The following ACVR2A variants were observed in gnomAD, a reference collection of about 807,000 sequenced individuals.
ACVR2A encodes activin receptor type-2A.
A neutral mutation model predicts 61.4 loss-of-function variants in ACVR2A; 7 were observed. The observed-to-expected ratio is 0.11, with a 90% CI of 0.06 to 0.21. ACVR2A has a LOEUF of 0.21. Among genes scored for constraint, ACVR2A ranks in the 10% least tolerant of loss-of-function variants. The pLI is 1.00. For synonymous variants in ACVR2A, 193 were observed against 208.3 expected, an observed-to-expected ratio of 0.93 and a Z score of 0.63; for missense variants, 322 against 621.7, an observed-to-expected ratio of 0.52 and a Z score of 5.13.
intron 2 of ACVR2A, among the ~76,000 whole-genome samples, chr2:147,898,912 A>C (rs1373403610): frequency 6.6e-6 from 1 of 152,260 alleles, no homozygotes; most frequent in South Asian, 2.1e-4. Flanking sequence ...AAAAACAGTG[A>C]CAGTATTAAT....
At chr2:147,852,191 A>T (rs1685467123) in intron 1 of ACVR2A, among the ~76,000 whole-genome samples, 1 of 152,128 alleles carries the variant, frequency 6.6e-6, no homozygotes, top group Non-Finnish European at 1.5e-5. Context: ...AATACACAAT[A>T]GGAATTACAC....
chr2:147,918,549 A>G lies in ACVR2A; in HGVS notation c.919A>G (p.Ile307Val), dbSNP rs1268740838. ...ARGLAYLHEDIPGLKDGHKPA... is the reference protein window; with the variant it reads ...ARGLAYLHEDVPGLKDGHKPA... ...AGGATTGGCATATTTACATGAGGAT[A>G]TACCTGGCCTAAAAGATGGCCACAA... Residue 307 changes from isoleucine to valine, a missense_variant, in exon 7 of 11, where the codon ATA (isoleucine) becomes GTA (valine). This residue lies in a region of ACVR2A where 146 missense variants were observed against 383.8 expected (regional missense o/e 0.38). Coordinates refer to ENST00000241416, the MANE Select transcript of ACVR2A (RefSeq NM_001616.5). The G allele has an allele frequency of 1.2e-6, 2 of 1,611,364 alleles. No homozygotes were observed. Among genetic ancestry groups the G allele is most frequent in the African/African-American group, 2.7e-5 (2 of 74,750 alleles).
intron 1 of ACVR2A, among the ~76,000 whole-genome samples, chr2:147,848,525 A>AT (rs759201807): frequency 2.8e-4 from 43 of 152,294 alleles, no homozygotes; most frequent in Non-Finnish European, 4.9e-4. Flanking sequence ...AGCTGGCTCA[A>AT]TATGTCAGTA....
intron 4 of ACVR2A, among the ~76,000 whole-genome samples, chr2:147,906,102 GT>G (rs1293650631): frequency 6.6e-6 from 1 of 151,824 alleles, no homozygotes; most frequent in Non-Finnish European, 1.5e-5. Context: ...AAGTGAGTTT[GT>G]TTTTTTCCTG....
intron 1 of ACVR2A, among the ~76,000 whole-genome samples, chr2:147,859,000 A>G (rs1166293552): frequency 3.3e-5 from 5 of 152,144 alleles, no homozygotes; most frequent in African/African-American, 1.2e-4. Flanking sequence ...GACATTGTAT[A>G]GGTGGCATCC....
chr2:147,860,618 TAC>T (rs2105143925), intron 1 of ACVR2A, among the ~76,000 whole-genome samples: 1 of 152,346 alleles, frequency 6.6e-6, no homozygotes, highest in South Asian at 2.1e-4. Flanking sequence ...TTCTGATCTC[TAC>T]CTTAATTTGG....
intron 1 of ACVR2A, among the ~76,000 whole-genome samples, chr2:147,863,584 C>A (rs914283790): frequency 1.3e-5 from 2 of 151,844 alleles, no homozygotes; most frequent in South Asian, 4.2e-4. Flanking sequence ...TGTATTCTTA[C>A]AATAAGGAAG....
At chr2:147,912,167 C>T in intron 4 of ACVR2A, among the ~76,000 whole-genome samples, 1 of 151,764 alleles carries the variant, frequency 6.6e-6, no homozygotes. Flanking sequence ...TAATTTATTC[C>T]ACTGTTGGTT....
chr2:147,854,887 TTC>T (rs1419668003), intron 1 of ACVR2A, among the ~76,000 whole-genome samples: 2 of 152,146 alleles, frequency 1.3e-5, no homozygotes, highest in East Asian at 3.8e-4. Context: ...ATCTGCCTAT[TTC>T]TTTTTTTTTT....
chr2:147,927,170 AC>A lies in ACVR2A; in HGVS notation c.1441del (p.Gln481ArgfsTer5). 1 of 1,612,328 alleles carries A rather than the reference AC, an allele frequency of 6.2e-7. No homozygotes were observed. The highest frequency in any genetic ancestry group is 8.5e-7 in the Non-Finnish European group (1 of 1,178,858). The stretch of plus-strand genomic sequence containing the variant: ...AGCTGGATGTGTAGGTGAAAGAATT[AC>A]CCAGATGCAGAGACTAACAAATATT... Reference protein sequence around the residue: ...LSAGCVGERITQMQRLTNIIT... With the variant: ...LSAGCVGERIXQMQRLTNIIT... On this transcript the variant is annotated frameshift_variant, in exon 11 of 11. Coordinates refer to ENST00000241416, the MANE Select transcript of ACVR2A (RefSeq NM_001616.5). LOFTEE classifies it high-confidence loss of function.
In ACVR2A at chr2:147,864,520, G is replaced by A. The variant is rs139833593; in HGVS notation, c.55+19313G>A. On this transcript the variant is annotated intron_variant, in intron 1 of 10. Coordinates refer to ENST00000241416, the MANE Select transcript of ACVR2A (RefSeq NM_001616.5). ...GCTGGGATTACAGGTGTGAGCCACC[G>A]TTCCTGGCCTGTTATTGTAACTTTT... 4.5e-3 allele frequency among the ~76,000 whole-genome samples: 691 copies of A among 152,180 alleles called. 4 individuals are homozygous for A. Among genetic ancestry groups the A allele is most frequent in the Non-Finnish European group, 7.3e-3 (497 of 68,002 alleles).
At chr2:147,869,332 A>G (rs574340306) in intron 1 of ACVR2A, among the ~76,000 whole-genome samples, 1 of 151,656 alleles carries the variant, frequency 6.6e-6, no homozygotes, top group South Asian at 2.1e-4. Flanking sequence ...TGCATCATTC[A>G]TAAGGGAGAC....
At chr2:147,902,346 T>A (rs1323458289) in intron 4 of ACVR2A, among the ~76,000 whole-genome samples, 1 of 151,990 alleles carries the variant, frequency 6.6e-6, no homozygotes, top group African/African-American at 2.4e-5. Context: ...ACACTAAAGC[T>A]TTGTTCTTAT....
At chr2:147,898,630 C>T (rs1340985137) in intron 2 of ACVR2A, among the ~76,000 whole-genome samples, 4 of 151,966 alleles carry the variant, frequency 2.6e-5, no homozygotes, top group Non-Finnish European at 5.9e-5. Context: ...TATTAAGATA[C>T]ATCTTTTAAG....
chr2:147,892,358 A>G (rs908554985), intron 1 of ACVR2A, among the ~76,000 whole-genome samples: 2 of 151,518 alleles, frequency 1.3e-5, no homozygotes, highest in African/African-American at 4.9e-5. Context: ...GTTGAGAGGA[A>G]GTCCATGGCA....
intron 1 of ACVR2A, among the ~76,000 whole-genome samples, chr2:147,892,146 A>G (rs1398707100): frequency 2.6e-5 from 4 of 151,648 alleles, no homozygotes; most frequent in African/African-American, 7.3e-5. Context: ...TAATTTTTGT[A>G]TTTTTAACAG....
chr2:147,920,328 G>GCGATAC lies in ACVR2A; in HGVS notation c.1063_1068dup (p.Asp355_Thr356dup). 1 of 1,612,790 alleles carries GCGATAC rather than the reference G, an allele frequency of 6.2e-7. No individual in the cohort carries two copies. Among genetic ancestry groups the GCGATAC allele is most frequent in the Non-Finnish European group, 8.5e-7 (1 of 1,178,972 alleles). ...AAATTTGAGGCTGGCAAGTCTGCAGGCGATACCCATGGACAGGTAAGGATG... is the reference window on the plus strand; with the variant it reads ...AAATTTGAGGCTGGCAAGTCTGCAGGCGATACCGATACCCATGGACAGGTAAGGATG... On this transcript the variant is annotated inframe_insertion, in exon 8 of 11. Coordinates refer to ENST00000241416, the MANE Select transcript of ACVR2A (RefSeq NM_001616.5).
chr2:147,926,957 G>A, intron 10 of ACVR2A, 123 bp from the exon 11 acceptor site: 1 of 908,632 alleles, frequency 1.1e-6, no homozygotes, highest in Admixed American at 2.9e-5. Flanking sequence ...GTCAATAAAA[G>A]TGAATGTTGA....
chr2:147,885,716 A>G (rs1056519669), intron 1 of ACVR2A, among the ~76,000 whole-genome samples: 16 of 152,140 alleles, frequency 1.1e-4, no homozygotes, highest in African/African-American at 3.6e-4. Context: ...AGGTCACTCA[A>G]AAAGAAAGTA....
Sources: allele counts gnomAD v4.1 joint callset (sites outside exome capture counted in the v4.1 genomes callset), GRCh38; gene constraint gnomAD v4.1.1; regional missense constraint gnomAD v4.1.1; transcripts MANE v1.5; gene names NCBI Gene and HGNC (gene_info 2026-07-23, HGNC 2026-07-21).